FIG4: variants seen among roughly 807,000 people sequenced by gnomAD.
The protein encoded by FIG4 is FIG4 phosphoinositide 5-phosphatase.
In FIG4, 112 loss-of-function variants were observed where a neutral mutation model predicts 118.6. That is an observed-to-expected ratio of 0.94 (90% CI 0.81 to 1.11). The LOEUF is 1.11. FIG4 is among the 50% of genes least tolerant of loss of function. The pLI, the probability that FIG4 is intolerant of heterozygous loss-of-function variation, is 0.00. For synonymous variants in FIG4, 369 were observed against 381.2 expected (o/e 0.97, Z 0.37); for missense variants, 969 against 1,111.7 (o/e 0.87, Z 1.83).
rs543633445 is a variant in FIG4 at position 109,789,557 on chromosome 6, G to A, written c.2097-37G>A. On this transcript the variant is annotated intron_variant, in intron 18 of 22. Coordinates refer to ENST00000230124, the MANE Select transcript of FIG4 (RefSeq NM_014845.6). Reference sequence around the variant, plus strand: ...GAAGCCAATATCATCTGGATGGACAGTAATTCATATGTAATTGTGTTTTCA... The same window carrying A: ...GAAGCCAATATCATCTGGATGGACAATAATTCATATGTAATTGTGTTTTCA... The A allele has an allele frequency of 5.0e-5, 71 of 1,413,172 alleles. No individual in the cohort carries two copies. In the South Asian group the frequency reaches 6.3e-4, roughly 13 times the overall value. The allele number at this position is 1,413,172 out of a possible 1,614,324, so 87.5% of individuals were successfully genotyped here.
intron 8 of FIG4, among the ~76,000 whole-genome samples, 192 bp from the exon 9 acceptor site, chr6:109,742,918 C>A (rs1336418232): frequency 2.6e-5 from 4 of 151,774 alleles, no homozygotes; most frequent in Non-Finnish European, 5.9e-5. Context: ...TAATTGCCTT[C>A]TTTATTATAT....
intron 18 of FIG4, among the ~76,000 whole-genome samples, chr6:109,787,698 TTAC>T (rs1241116269): frequency 3.3e-5 from 5 of 152,180 alleles, no homozygotes; most frequent in Non-Finnish European, 7.4e-5. Context: ...AAGTGAGGAC[TTAC>T]TGTAGTTAAT....
chr6:109,697,609 G>C (rs1321484492), intron 1 of FIG4, among the ~76,000 whole-genome samples: 1 of 152,096 alleles, frequency 6.6e-6, no homozygotes, highest in Non-Finnish European at 1.5e-5. Context: ...TTGTGACTGA[G>C]CCTCAGAAGT....
chr6:109,820,231 A>G lies in FIG4; in HGVS notation c.2547-4857A>G, dbSNP rs145634504. ...GCGACTGTCAAATGCTTCTGAGACC[A>G]CAGCTCACATGAGAATAGATGGTAT... On this transcript the variant is annotated intron_variant, in intron 22 of 22. Coordinates refer to ENST00000230124, the MANE Select transcript of FIG4 (RefSeq NM_014845.6). 1.2e-4 allele frequency among the ~76,000 whole-genome samples: 18 copies of G among 152,330 alleles called. No individual in the cohort carries two copies. The East Asian group carries it at 2.7e-3, about 23-fold the overall frequency.
At chr6:109,739,846 T>C (rs1776271689) in intron 7 of FIG4, among the ~76,000 whole-genome samples, 1 of 152,040 alleles carries the variant, frequency 6.6e-6, no homozygotes, top group African/African-American at 2.4e-5. Context: ...CCAGGAGCAT[T>C]TGAGAGGAGT....
chr6:109,749,404 CAAATTTA>C (rs1451781467), intron 10 of FIG4, among the ~76,000 whole-genome samples: 2 of 151,830 alleles, frequency 1.3e-5, no homozygotes, highest in Non-Finnish European at 2.9e-5. Flanking sequence ...TACATAATTG[CAAATTTA>C]AAATATGAAA....
intron 1 of FIG4, among the ~76,000 whole-genome samples, chr6:109,709,345 T>C (rs1204577747): frequency 1.3e-5 from 2 of 152,230 alleles, no homozygotes; most frequent in Admixed American, 1.3e-4. Flanking sequence ...ACCAGTACCA[T>C]GCTGTTTTGG....
chr6:109,763,574 T>G (rs1777177181), intron 12 of FIG4, among the ~76,000 whole-genome samples: 2 of 152,148 alleles, frequency 1.3e-5, no homozygotes, highest in African/African-American at 2.4e-5. Flanking sequence ...GCTTGGAAGA[T>G]TTTATTAGAA....
rs1562685708 is a variant in FIG4, at chr6:109,789,670, G to A, written c.2173G>A (p.Val725Ile). 6.2e-7 allele frequency: 1 copy of A among 1,607,890 alleles called. No individual in the cohort carries two copies. The highest frequency in any genetic ancestry group is 1.1e-5 in the South Asian group (1 of 90,958). ...VRKPDETGKS[V>I]LGNKSNREEA... Reference sequence around the variant, plus strand: ...TAAACCAGATGAAACTGGAAAATCAGTATTGGGGTAAGATTTGTGTATAGA... The same window carrying A: ...TAAACCAGATGAAACTGGAAAATCAATATTGGGGTAAGATTTGTGTATAGA... Residue 725 changes from valine (V) to isoleucine (I), a missense_variant, in exon 19 of 23, where the codon GTA (valine) becomes ATA (isoleucine). By Grantham distance (29) the Val-to-Ile change is conservative. This residue lies in a region of FIG4 where 330 missense variants were observed against 348.1 expected (regional missense o/e 0.95). Transcript: ENST00000230124.
At chr6:109,749,541 C>T (rs1776620888) in intron 10 of FIG4, among the ~76,000 whole-genome samples, 1 of 147,564 alleles carries the variant, frequency 6.8e-6, no homozygotes, top group Admixed American at 6.8e-5. Flanking sequence ...GGATTAGAAA[C>T]CTAGATTTGA....
intron 22 of FIG4, among the ~76,000 whole-genome samples, chr6:109,814,615 C>T (rs962276413): frequency 3.9e-5 from 6 of 152,042 alleles, no homozygotes; most frequent in African/African-American, 4.8e-5. Context: ...GAGATCCTAA[C>T]GTCCTGTGTA....
intron 6 of FIG4, among the ~76,000 whole-genome samples, chr6:109,736,797 A>G (rs921280079): frequency 6.6e-6 from 1 of 152,146 alleles, no homozygotes; most frequent in African/African-American, 2.4e-5. Flanking sequence ...ATCTTACAGA[A>G]GTCCACAGTG....
chr6:109,707,351 A>G (rs1174558249), intron 1 of FIG4, among the ~76,000 whole-genome samples: 2 of 71,626 alleles, frequency 2.8e-5, no homozygotes, highest in East Asian at 6.4e-4. Context: ...ACATATATAC[A>G]TACATATATA....
At chr6:109,733,800 T>C (rs1290246488) in intron 5 of FIG4, among the ~76,000 whole-genome samples, 1 of 152,066 alleles carries the variant, frequency 6.6e-6, no homozygotes, top group Non-Finnish European at 1.5e-5. Context: ...GAATTATTAT[T>C]GAAGCTCAGT....
intron 22 of FIG4, among the ~76,000 whole-genome samples, chr6:109,813,126 G>A (rs529288191): frequency 2.6e-5 from 4 of 152,104 alleles, no homozygotes; most frequent in African/African-American, 7.2e-5. Context: ...TATATTTATA[G>A]GTCCTTTTAA....
chr6:109,784,215 C>G (rs969207207), intron 16 of FIG4, among the ~76,000 whole-genome samples: 2 of 151,852 alleles, frequency 1.3e-5, no homozygotes, highest in African/African-American at 4.8e-5. Context: ...TATCCTTTTC[C>G]TCTAAATATT....
intron 13 of FIG4, 40 bp downstream of exon 13, chr6:109,764,022 A>G (rs1238856686): frequency 2.2e-6 from 3 of 1,335,406 alleles, no homozygotes; most frequent in African/African-American, 2.9e-5. Flanking sequence ...TAGAATCTGT[A>G]TCCATTGTGT....
intron 22 of FIG4, among the ~76,000 whole-genome samples, chr6:109,804,806 A>G (rs1247314576): frequency 6.6e-6 from 1 of 152,206 alleles, no homozygotes. Context: ...AAGTCCTTGT[A>G]AATGGAACCC....
chr6:109,765,242 C>T (rs1311220899), intron 14 of FIG4, 81 bp downstream of exon 14: 71 of 1,174,872 alleles, frequency 6.0e-5, no homozygotes, highest in African/African-American at 1.1e-4. Flanking sequence ...TTTATGAAAG[C>T]GTTTCTACTT....
Sources: gnomAD v4.1 joint callset for allele counts (sites outside exome capture counted in the v4.1 genomes callset) on GRCh38, gnomAD v4.1.1 for gene constraint, gnomAD v4.1.1 regional missense constraint, MANE v1.5 for transcripts, NCBI Gene and HGNC (gene_info 2026-07-23, HGNC 2026-07-21) for gene names.